The following ADGRB3 variants were observed in gnomAD, a reference collection of about 807,000 sequenced individuals.
ADGRB3 encodes the protein adhesion G protein-coupled receptor B3, also known as brain-specific angiogenesis inhibitor 3.
Under a neutral mutation model 193.4 loss-of-function variants are expected in ADGRB3, and 37 were observed. The observed-to-expected ratio is 0.19, with a 90% confidence interval of 0.15 to 0.25. ADGRB3 has a LOEUF of 0.25. Ranked by LOEUF, ADGRB3 falls within the 10% of genes least tolerant of loss-of-function variation. The probability of loss-of-function intolerance (pLI) is 1.00; values close to 1 mark genes in which losing one functional copy is unlikely to be tolerated. For missense variants in ADGRB3, 1,637 were observed against 1,852.9 expected (o/e 0.88, Z 2.14); for synonymous variants, 690 against 644.2 (o/e 1.07, Z -1.08).
chr6:69,380,603 T>C (rs1769926628), intron 30 of ADGRB3, among the ~76,000 whole-genome samples: 3 of 151,892 alleles, frequency 2.0e-5, no homozygotes, highest in Non-Finnish European at 4.4e-5. Context: ...AATAAGACCA[T>C]GGGAATAACT....
intron 17 of ADGRB3, among the ~76,000 whole-genome samples, chr6:69,133,452 AT>A (rs1774067936): frequency 6.6e-6 from 1 of 151,900 alleles, no homozygotes. Flanking sequence ...CCAATAATAA[AT>A]TCTGACATTG....
chr6:68,829,440 T>C (rs1767913274), intron 3 of ADGRB3, among the ~76,000 whole-genome samples: 1 of 152,074 alleles, frequency 6.6e-6, no homozygotes, highest in Non-Finnish European at 1.5e-5. Flanking sequence ...TGTTGTGTTA[T>C]TAGATCATTG....
intron 17 of ADGRB3, among the ~76,000 whole-genome samples, chr6:69,132,107 A>G (rs190474263): frequency 5.9e-5 from 9 of 152,282 alleles, no homozygotes; most frequent in African/African-American, 2.2e-4. Context: ...GTGTCTTTAT[A>G]GTAGAATGGT....
intron 20 of ADGRB3, among the ~76,000 whole-genome samples, chr6:69,287,367 T>C (rs1767574501): frequency 6.6e-6 from 1 of 152,202 alleles, no homozygotes; most frequent in African/African-American, 2.4e-5. Context: ...GGAAAACTCT[T>C]TACATGTGAA....
At chr6:69,283,869 G>A (rs1375084653) in intron 20 of ADGRB3, among the ~76,000 whole-genome samples, 2 of 152,166 alleles carry the variant, frequency 1.3e-5, no homozygotes, top group African/African-American at 4.8e-5. Context: ...TGTTTAGGCA[G>A]CGGTGTCAAT....
intron 17 of ADGRB3, among the ~76,000 whole-genome samples, chr6:69,222,427 C>T (rs1236149166): frequency 6.6e-6 from 1 of 152,184 alleles, no homozygotes; most frequent in Non-Finnish European, 1.5e-5. Flanking sequence ...AATGAGCACA[C>T]TGGATCCCAG....
chr6:69,313,331 A>G (rs1768238640), intron 20 of ADGRB3, among the ~76,000 whole-genome samples: 1 of 151,856 alleles, frequency 6.6e-6, no homozygotes, highest in Middle Eastern at 3.2e-3. Flanking sequence ...TTTTTATACC[A>G]GGATGCCCCT....
At chr6:68,825,432 A>G (rs148511528) in intron 3 of ADGRB3, among the ~76,000 whole-genome samples, 83 of 152,240 alleles carry the variant, frequency 5.5e-4, no homozygotes, top group African/African-American at 1.8e-3. Context: ...TCATTTATCT[A>G]TATAAGGGAA....
Position 68,638,267 on chromosome 6 carries a change from ATAGAC to A in ADGRB3, c.-15-391_-15-387del, listed in dbSNP as rs553541284. Among the ~76,000 whole-genome samples, 254 of 152,368 alleles carry A rather than the reference ATAGAC, an allele frequency of 1.7e-3. 1 individual carries two copies. The highest frequency in any genetic ancestry group is 5.9e-3 in the African/African-American group (247 of 41,590). Reference sequence around the variant, plus strand: ...AGAGGACAGAGAGAGAAAAGGTTGTATAGACTATAGACTGATTAATACTATTTCGA... The same window carrying A: ...AGAGGACAGAGAGAGAAAAGGTTGTATATAGACTGATTAATACTATTTCGA... On this transcript the variant is annotated intron_variant, in intron 2 of 31. Transcript: ENST00000370598.
In ADGRB3 at chr6:68,799,082, G is replaced by A. The variant is rs531461410; in HGVS notation, c.758-131477G>A. On this transcript the variant is annotated intron_variant, in intron 3 of 31. Transcript: ENST00000370598. Reference sequence around the variant, plus strand: ...TAATAGAAAACATAAATACCTTTTCGTTTAAAGAATAGATTGGTGAATAGA... The same window carrying A: ...TAATAGAAAACATAAATACCTTTTCATTTAAAGAATAGATTGGTGAATAGA... Among the ~76,000 whole-genome samples the A allele has an allele frequency of 6.6e-5, 10 of 152,080 alleles. No individual in the cohort carries two copies. In the East Asian group the frequency reaches 1.2e-3, roughly 18 times the overall value.
chr6:68,826,482 G>A (rs1421392301), intron 3 of ADGRB3, among the ~76,000 whole-genome samples: 2 of 152,122 alleles, frequency 1.3e-5, no homozygotes, highest in Non-Finnish European at 2.9e-5. Context: ...CTATAACAAG[G>A]GTGTACTATG....
intron 11 of ADGRB3, among the ~76,000 whole-genome samples, chr6:69,011,133 A>ATGTG (rs1312979149): frequency 3.1e-5 from 3 of 97,162 alleles, no homozygotes; most frequent in African/African-American, 9.4e-5. Context: ...ATATACATAT[A>ATGTG]TATGTGTGTG....
rs748557992 is a variant in ADGRB3, at chr6:68,943,937, A to T, written c.1138A>T (p.Arg380Trp). The change falls in exon 6 of 32, where the codon AGG becomes TGG. Residue 380 changes from arginine to tryptophan, a missense_variant. By Grantham distance (101) the Arg-to-Trp change is moderately radical. Coordinates refer to ENST00000370598, the MANE Select transcript of ADGRB3 (RefSeq NM_001704.3). ...ATGCACACCTCCTCAGTATGGAGGA[A>T]GGCCGTGTGAAGGACCTGAAACACA... ...RSCTPPQYGGRPCEGPETHHK... is the reference protein window; with the variant it reads ...RSCTPPQYGGWPCEGPETHHK... 1 of 1,613,928 alleles carries T rather than the reference A, an allele frequency of 6.2e-7. No individual in the cohort carries two copies. Among genetic ancestry groups the T allele is most frequent in the Admixed American group, 1.7e-5 (1 of 60,020 alleles).
At chr6:68,889,932 T>C (rs944642310) in intron 3 of ADGRB3, among the ~76,000 whole-genome samples, 1 of 152,200 alleles carries the variant, frequency 6.6e-6, no homozygotes, top group African/African-American at 2.4e-5. Context: ...ATTTTACATA[T>C]ATCATTATAT....
intron 17 of ADGRB3, among the ~76,000 whole-genome samples, chr6:69,219,483 A>ATATATATATATATATATATATATATC: frequency 1.2e-5 from 1 of 80,338 alleles, no homozygotes; most frequent in African/African-American, 7.7e-5. Flanking sequence ...ATATATATAT[A>ATATATATATATATATATATATATATC]TATATATATA....
intron 3 of ADGRB3, among the ~76,000 whole-genome samples, chr6:68,807,097 A>T (rs1767414612): frequency 6.6e-6 from 1 of 152,060 alleles, no homozygotes; most frequent in East Asian, 1.9e-4. Context: ...CCGAATTTGT[A>T]AACCGGTTAC....
chr6:69,178,349 C>G (rs150591870), intron 17 of ADGRB3, among the ~76,000 whole-genome samples: 1 of 152,072 alleles, frequency 6.6e-6, no homozygotes, highest in South Asian at 2.1e-4. Flanking sequence ...TGTGATGGGT[C>G]TCTTGAAGAC....
At chr6:69,210,405 G>T (rs1676665077) in intron 17 of ADGRB3, among the ~76,000 whole-genome samples, 1 of 151,780 alleles carries the variant, frequency 6.6e-6, no homozygotes, top group African/African-American at 2.4e-5. Flanking sequence ...CAACTGATTA[G>T]ACTGTGCCTA....
chr6:68,942,280 TTCATCTGCCACTTTTTA>T (rs1360389179), intron 5 of ADGRB3, among the ~76,000 whole-genome samples: 1 of 152,190 alleles, frequency 6.6e-6, no homozygotes, highest in Non-Finnish European at 1.5e-5. Flanking sequence ...ACTTGCGTAT[TTCATCTGCCACTTTTTA>T]TGAACCTGGG....
Sources: allele counts gnomAD v4.1 joint callset (sites outside exome capture counted in the v4.1 genomes callset), GRCh38; gene constraint gnomAD v4.1.1; transcripts MANE v1.5; gene names NCBI Gene and HGNC (gene_info 2026-07-23, HGNC 2026-07-21).